Variants in SLC26A1 observed in about 807,000 individuals in gnomAD.
The protein encoded by SLC26A1 is sulfate anion transporter 1.
SLC26A1 carries 18 observed loss-of-function variants against 14.5 expected under a neutral mutation model. The observed-to-expected ratio is 1.24, with a 90% confidence interval of 0.86 to 1.84. SLC26A1 has a LOEUF of 1.84. SLC26A1 is among the 40% of genes most tolerant of loss of function. SLC26A1 has a pLI of 0.00. For missense variants in SLC26A1, 1,049 were observed against 1,020.0 expected (o/e 1.03, Z -0.39); for synonymous variants, 505 against 492.0 (o/e 1.03, Z -0.35).
intron 1 of SLC26A1, among the ~76,000 whole-genome samples, 160 bp downstream of exon 1, chr4:993,141 C>T (rs1355165684): frequency 1.3e-5 from 2 of 152,216 alleles, no homozygotes; most frequent in Non-Finnish European, 2.9e-5. Flanking sequence ...GAAGCCCACC[C>T]CAAGCCCCTG....
In SLC26A1 at chr4:990,213, G is replaced by A. The variant is rs778395267; in HGVS notation, c.726C>T (p.Pro242=). The change falls in exon 3 of 3, where the codon CCC becomes CCT. Residue 242 remains proline, a synonymous_variant. Transcript: ENST00000398516. ...LGVRIPRHQG[P]GMVVLTWLSL... ...TCAGCCATGTGAGGACCACCATGCCGGGCCCCTGGTGCCGCGGGATCCGCA... is the reference window on the plus strand; with the variant it reads ...TCAGCCATGTGAGGACCACCATGCCAGGCCCCTGGTGCCGCGGGATCCGCA... 1.3e-5 allele frequency: 21 copies of A among 1,564,676 alleles called. No individual in the cohort carries two copies. The highest frequency in any genetic ancestry group is 5.8e-5 in the Admixed American group (3 of 51,870).
chr4:990,700 A>C, intron 2 of SLC26A1: 1 of 414,940 alleles, frequency 2.4e-6, no homozygotes, highest in Non-Finnish European at 4.3e-6. Context: ...CTTCCTACAC[A>C]TGGTGCCCAC....
chr4:987,726 A>G lies in SLC26A1; in HGVS notation c.*1107T>C. 6.3e-7 allele frequency: 1 copy of G among 1,591,146 alleles called. No individual in the cohort carries two copies. Among genetic ancestry groups the G allele is most frequent in the Non-Finnish European group, 8.6e-7 (1 of 1,168,666 alleles). On this transcript the variant is annotated 3_prime_UTR_variant, in exon 3 of 3. Coordinates refer to ENST00000398516, the MANE Select transcript of SLC26A1 (RefSeq NM_022042.4). ...CAGCGCCTGGATCCTGCGCCCGGGC[A>G]GTCCTGGGCTTGAACGTGTGTGTCA...
At chr4:990,961 C>T (rs984815035) in intron 2 of SLC26A1, 167 bp downstream of exon 2, 14 of 682,148 alleles carry the variant, frequency 2.1e-5, no homozygotes, top group Non-Finnish European at 3.0e-5. Flanking sequence ...GTCGGTGCCT[C>T]GCCCTGGGAT....
At chr4:993,107 C>A (rs1013278077) in intron 1 of SLC26A1, among the ~76,000 whole-genome samples, 194 bp downstream of exon 1, 1 of 152,252 alleles carries the variant, frequency 6.6e-6, no homozygotes, top group Admixed American at 6.5e-5. Context: ...GAAGACCCCA[C>A]CACACTGGGT....
At chr4:985,103 C>T (rs1182787499), downstream of SLC26A1, among the ~76,000 whole-genome samples, 1 of 152,232 alleles carries the variant, frequency 6.6e-6, no homozygotes, top group East Asian at 1.9e-4. Context: ...CCCACAAAGA[C>T]AATTCTGTTG....
chr4:991,385 A>C lies in SLC26A1; in HGVS notation c.319T>G (p.Phe107Val). 3 of 1,612,834 alleles carry C rather than the reference A, an allele frequency of 1.9e-6. No individual in the cohort carries two copies. In the South Asian group the frequency reaches 3.3e-5, roughly 18 times the overall value. ...QPIYSLYTSF[F>V]ANLIYFLMGT... Reference sequence around the variant, plus strand: ...ATGAGGAAGTAGATGAGGTTGGCGAAGAAGGACGTATAGAGGCTGTAGATG... The same window carrying C: ...ATGAGGAAGTAGATGAGGTTGGCGACGAAGGACGTATAGAGGCTGTAGATG... Residue 107 changes from phenylalanine to valine, a missense_variant, in exon 2 of 3, where the codon TTC (phenylalanine) becomes GTC (valine). Coordinates refer to ENST00000398516, the MANE Select transcript of SLC26A1 (RefSeq NM_022042.4).
chr4:986,931 C>A, downstream of SLC26A1: 1 of 734,762 alleles, frequency 1.4e-6, no homozygotes, highest in South Asian at 1.5e-5. Flanking sequence ...CCGAGGCTCC[C>A]CGAGGCCACC....
At position 989,327 on chromosome 4, in the gene SLC26A1, G is replaced by T. The variant is rs143381873; in HGVS notation, c.1612C>A (p.Arg538=). The stretch of plus-strand genomic sequence containing the variant: ...AGCGGCCCCCCAAAGCGGAACACCC[G>T]CACGCCGGGCTCAGGGACGAGGCCC... ...FEGLVPEPGV[R]VFRFGGPLYY... Residue 538 remains arginine, a synonymous_variant, in exon 3 of 3, where the codon CGG becomes AGG. Transcript: ENST00000398516. 7 of 1,608,084 alleles carry T rather than the reference G, an allele frequency of 4.4e-6. No individual in the cohort carries two copies. The East Asian group carries it at 1.6e-4, about 36-fold the overall frequency.
At chr4:979,271 TTGAGGGGCTGCCTTTTTTCCCCAGGTGC>T in exon 3 of SLC26A1, 1 of 633,014 alleles carries the variant, frequency 1.6e-6, no homozygotes, top group Non-Finnish European at 2.9e-6. Context: ...GCTGGCCAGG[TTGAGGGGCTGCCTTTTTTCCCCAGGTGC>T]TGATCCAAGC....
chr4:981,901 G>T (rs936759569), intron 2 of SLC26A1, among the ~76,000 whole-genome samples: 1 of 151,684 alleles, frequency 6.6e-6, no homozygotes, highest in African/African-American at 2.4e-5. Context: ...CTGCAAGCTC[G>T]GTGCACTTCC....
chr4:981,246 A>G (rs1713532201), intron 2 of SLC26A1, among the ~76,000 whole-genome samples: 1 of 152,242 alleles, frequency 6.6e-6, no homozygotes, highest in Non-Finnish European at 1.5e-5. Flanking sequence ...TCCTACTGAC[A>G]CGCAGTCCAG....
Position 988,331 on chromosome 4 carries a change from C to A in SLC26A1, c.*502G>T. 1 of 1,096,884 alleles carries A rather than the reference C, an allele frequency of 9.1e-7. No homozygotes were observed. The highest frequency in any genetic ancestry group is 6.7e-5 in the East Asian group (1 of 14,956). 67.9% of individuals were successfully genotyped at this position (1,096,884 alleles called of 1,614,324 possible). Reference sequence around the variant, plus strand: ...CCTGACGCTGGTGCAGGTGGCCACCCTGTGAGGGGGAGGCACGAGGTGTGA... The same window carrying A: ...CCTGACGCTGGTGCAGGTGGCCACCATGTGAGGGGGAGGCACGAGGTGTGA... On this transcript the variant is annotated 3_prime_UTR_variant, in exon 3 of 3. Transcript: ENST00000398516.
intron 2 of SLC26A1, 83 bp from the exon 3 acceptor site, chr4:990,445 T>G (rs1577517369): frequency 7.4e-7 from 1 of 1,349,292 alleles, no homozygotes; most frequent in African/African-American, 1.5e-5. Flanking sequence ...GCCCGAGGGG[T>G]GGTGGTCACG....
Position 990,082 on chromosome 4 carries a change from T to C in SLC26A1, c.857A>G (p.His286Arg), listed in dbSNP as rs777154557. 178 of 1,599,500 alleles carry C rather than the reference T, an allele frequency of 1.1e-4. No homozygotes were observed. Among genetic ancestry groups the C allele is most frequent in the Non-Finnish European group, 1.5e-4 (176 of 1,175,198 alleles). The change falls in exon 3 of 3, where the codon CAC (histidine) becomes CGC (arginine). Residue 286 changes from histidine to arginine, a missense_variant. Transcript: ENST00000398516. ...CGTGGGCAGCGGCACCCTCAGGCGG[T>C]GTCGGTAGCGGTCTGAGAGCTCCTT... is the stretch of plus-strand genomic sequence containing the variant. ...AAKELSDRYR[H>R]RLRVPLPTEL...
chr4:986,918 T>C (rs1225273856), downstream of SLC26A1: 4 of 698,068 alleles, frequency 5.7e-6, no homozygotes, highest in Non-Finnish European at 1.0e-5. Flanking sequence ...TGCTCCCGGC[T>C]CCCCGAGGCT....
chr4:987,111 G>T, downstream of SLC26A1: 1 of 1,445,646 alleles, frequency 6.9e-7, no homozygotes, highest in Admixed American at 2.5e-5. Context: ...CCCGCGCCGC[G>T]CTGCTGGCGC....
rs1172659493 is a variant in SLC26A1, at chr4:990,314, G to T, written c.625C>A (p.Gln209Lys). The T allele has an allele frequency of 1.2e-6, 2 of 1,605,020 alleles. No homozygotes were observed. The highest frequency in any genetic ancestry group is 1.7e-5 in the Admixed American group (1 of 58,746). The change falls in exon 3 of 3, where the codon CAG (glutamine) becomes AAG (lysine). Residue 209 changes from glutamine (Q) to lysine (K), a missense_variant. By Grantham distance (53) the Gln-to-Lys change is moderately conservative. Coordinates refer to ENST00000398516, the MANE Select transcript of SLC26A1 (RefSeq NM_022042.4). ...RLGFVSAYLS[Q>K]PLLDGFAMGA... ...ATGGCAAAGCCATCGAGCAGTGGCT[G>T]TGAGAGGTAGGCGGACACGAAGCCC...
At chr4:993,192 C>T (rs1714505009) in intron 1 of SLC26A1, 109 bp downstream of exon 1, 1 of 152,276 alleles carries the variant, frequency 6.6e-6, no homozygotes, top group Admixed American at 6.5e-5. Flanking sequence ...GGCCACCTGC[C>T]TTGAGCCTGA....
Sources: allele counts gnomAD v4.1 joint callset (sites outside exome capture counted in the v4.1 genomes callset), GRCh38; gene constraint gnomAD v4.1.1; transcripts MANE v1.5; gene names NCBI Gene and HGNC (gene_info 2026-07-23, HGNC 2026-07-21).